The following BLTP1 variants were observed in gnomAD, a reference collection of about 807,000 sequenced individuals.
BLTP1 encodes fragile site-associated protein.
At chr4:122,177,758 C>T in the BLTP1 span, among the ~76,000 whole-genome samples, 1 of 152,104 alleles carries the variant, frequency 6.6e-6, no homozygotes, top group Admixed American at 6.6e-5. Flanking sequence ...TTCTGGTTAA[C>T]TATCCTCTAT....
chr4:122,281,529 T>C, the BLTP1 span: 2 of 1,560,596 alleles, frequency 1.3e-6, no homozygotes, highest in South Asian at 2.5e-5. Flanking sequence ...TTTTTTTTGC[T>C]TTCTAGCCCA....
chr4:122,308,432 AAAG>A, the BLTP1 span, among the ~76,000 whole-genome samples: 4 of 152,070 alleles, frequency 2.6e-5, no homozygotes, highest in Admixed American at 2.0e-4. Context: ...ACCTTCATAA[AAAG>A]AAGCTTAGTT....
the BLTP1 span, chr4:122,274,408 C>T: frequency 1.2e-6 from 2 of 1,605,792 alleles, no homozygotes; most frequent in Non-Finnish European, 1.7e-6. Flanking sequence ...TAATATTGTG[C>T]TGCTTGAAGG....
At chr4:122,280,349 G>A in the BLTP1 span, among the ~76,000 whole-genome samples, 1 of 152,152 alleles carries the variant, frequency 6.6e-6, no homozygotes, top group East Asian at 1.9e-4. Context: ...ATTTAAGAAA[G>A]TATAGCAGTG....
At chr4:122,171,838 T>C in the BLTP1 span, 1 of 983,404 alleles carries the variant, frequency 1.0e-6, no homozygotes, top group South Asian at 4.7e-5. Context: ...CATTGAGCAA[T>C]TGTTTAATCC....
chr4:122,339,354 G>A, the BLTP1 span: 1 of 1,613,462 alleles, frequency 6.2e-7, no homozygotes, highest in Non-Finnish European at 8.5e-7. Flanking sequence ...ATCCCCTGGA[G>A]GTAATGCTAC....
chr4:122,320,818 T>C, the BLTP1 span, among the ~76,000 whole-genome samples: 5 of 152,118 alleles, frequency 3.3e-5, no homozygotes, highest in African/African-American at 4.8e-5. Flanking sequence ...AGCTTTGAAT[T>C]AATATCTACT....
At chr4:122,316,370 G>A in the BLTP1 span, 1 of 473,038 alleles carries the variant, frequency 2.1e-6, no homozygotes, top group African/African-American at 2.0e-5. Flanking sequence ...AGTTCAATAA[G>A]TGGAGATGGC....
chr4:122,153,030 G>C, the BLTP1 span: 1 of 985,380 alleles, frequency 1.0e-6, no homozygotes, highest in Non-Finnish European at 1.2e-6. Flanking sequence ...TGGGATTGAT[G>C]TGTTTTGTAT....
the BLTP1 span, among the ~76,000 whole-genome samples, chr4:122,216,048 T>C: frequency 6.6e-6 from 1 of 151,992 alleles, no homozygotes; most frequent in Admixed American, 6.6e-5. Context: ...TATTCCATGG[T>C]ATATATATGT....
chr4:122,273,920 A>G, the BLTP1 span, among the ~76,000 whole-genome samples: 25 of 152,166 alleles, frequency 1.6e-4, no homozygotes, highest in African/African-American at 5.8e-4. Context: ...TTAAGTAATT[A>G]AAATATTTAT....
At chr4:122,276,944 T>C in the BLTP1 span, 16 of 985,218 alleles carry the variant, frequency 1.6e-5, no homozygotes, top group Non-Finnish European at 1.9e-5. Flanking sequence ...TTTGAGACTA[T>C]AAATAATTGG....
the BLTP1 span, chr4:122,331,638 G>A: frequency 6.8e-7 from 1 of 1,462,738 alleles, no homozygotes; most frequent in Non-Finnish European, 9.0e-7. Context: ...ATCCCAAAAT[G>A]CAGATTTGAA....
At chr4:122,165,503 T>C in the BLTP1 span, among the ~76,000 whole-genome samples, 1 of 136,974 alleles carries the variant, frequency 7.3e-6, no homozygotes, top group East Asian at 2.5e-4. Context: ...TCCAAGTCTT[T>C]GCTATTGTGA....
the BLTP1 span, chr4:122,174,683 A>T: frequency 1.4e-6 from 2 of 1,384,404 alleles, no homozygotes; most frequent in South Asian, 2.5e-5. Flanking sequence ...AAAAGGACCC[A>T]TGTTAAACAT....
chr4:122,169,718 T>A, the BLTP1 span: 1 of 983,518 alleles, frequency 1.0e-6, no homozygotes, highest in Non-Finnish European at 1.2e-6. Flanking sequence ...TGCACACATA[T>A]GTGTATGCAT....
chr4:122,276,461 G>A, the BLTP1 span: 1 of 980,908 alleles, frequency 1.0e-6, no homozygotes. Flanking sequence ...GATGGGGAGA[G>A]TTGACTACTC....
chr4:122,170,018 A>G, the BLTP1 span: 3 of 984,418 alleles, frequency 3.0e-6, no homozygotes, highest in Non-Finnish European at 3.6e-6. Context: ...TGATTAAAGA[A>G]TAATCACGCT....
At chr4:122,273,084 T>C in the BLTP1 span, 2 of 312,556 alleles carry the variant, frequency 6.4e-6, no homozygotes, top group Non-Finnish European at 4.6e-6. Context: ...GCAGCAATGA[T>C]TATATAAAAC....
Sources: allele counts gnomAD v4.1 joint callset (sites outside exome capture counted in the v4.1 genomes callset), GRCh38; gene constraint gnomAD v4.1.1; transcripts MANE v1.5; gene names NCBI Gene and HGNC (gene_info 2026-07-23, HGNC 2026-07-21).